Variants in STAT3 observed in about 807,000 individuals in gnomAD.
The protein encoded by STAT3 is signal transducer and activator of transcription 3.
Under a neutral mutation model 114.3 loss-of-function variants are expected in STAT3, and 7 were observed. The ratio of observed to expected loss-of-function variants is 0.06; its 90% CI spans 0.03 to 0.11. The LOEUF (loss-of-function observed/expected upper bound fraction) is 0.11, where lower values mean the gene tolerates loss of function less well. Among genes scored for constraint, STAT3 ranks in the 10% least tolerant of loss-of-function variants. The probability of loss-of-function intolerance (pLI) is 1.00; values close to 1 mark genes in which losing one functional copy is unlikely to be tolerated. For missense variants in STAT3, 364 were observed against 960.9 expected, an observed-to-expected ratio of 0.38 and a Z score of 8.21; for synonymous variants, 331 against 354.5, an observed-to-expected ratio of 0.93 and a Z score of 0.74.
intron 21 of STAT3, chr17:42,317,623 C>T (rs367762157): frequency 4.1e-5 from 12 of 291,812 alleles, no homozygotes; most frequent in Non-Finnish European, 7.4e-5. Flanking sequence ...CATGCAGGAA[C>T]CGAGCCTGTG....
At chr17:42,332,074 C>G (rs564619293) in intron 10 of STAT3, among the ~76,000 whole-genome samples, 1 of 151,486 alleles carries the variant, frequency 6.6e-6, no homozygotes, top group Non-Finnish European at 1.5e-5. Context: ...ATTACAGGCG[C>G]GCGCCACCAC....
intron 1 of STAT3, among the ~76,000 whole-genome samples, chr17:42,372,045 A>C (rs2084180866): frequency 6.6e-6 from 1 of 152,176 alleles, no homozygotes; most frequent in Non-Finnish European, 1.5e-5. Flanking sequence ...AAAATGGCTA[A>C]AATCCAAAAC....
intron 1 of STAT3, among the ~76,000 whole-genome samples, chr17:42,368,211 A>T (rs2078051232): frequency 6.6e-6 from 1 of 152,152 alleles, no homozygotes; most frequent in Admixed American, 6.5e-5. Context: ...AAAAGAAAAA[A>T]AATAAATAAA....
chr17:42,356,485 AT>A (rs1056743682), intron 1 of STAT3, among the ~76,000 whole-genome samples: 20 of 151,266 alleles, frequency 1.3e-4, no homozygotes, highest in African/African-American at 4.6e-4. Flanking sequence ...TGTTGATGTA[AT>A]TCCTTTAAAT....
At chr17:42,363,861 T>C (rs559053028) in intron 1 of STAT3, among the ~76,000 whole-genome samples, 1 of 152,206 alleles carries the variant, frequency 6.6e-6, no homozygotes, top group Non-Finnish European at 1.5e-5. Flanking sequence ...CTAAAATGCT[T>C]TTTTCTCTGG....
chr17:42,380,580 G>GT (rs144672211), intron 1 of STAT3, among the ~76,000 whole-genome samples: 9,259 of 151,290 alleles, frequency 0.061, 343 homozygotes, highest in Non-Finnish European at 0.074. Context: ...AGACGGGGGG[G>GT]GTCTCACTCT....
chr17:42,350,576 C>T (rs1469939112), intron 1 of STAT3, among the ~76,000 whole-genome samples: 3 of 152,136 alleles, frequency 2.0e-5, no homozygotes, highest in Non-Finnish European at 4.4e-5. Flanking sequence ...CGTAAGCTAC[C>T]ACGCCTGGCC....
intron 14 of STAT3, among the ~76,000 whole-genome samples, chr17:42,328,460 T>C (rs1322448044): frequency 1.3e-5 from 2 of 152,214 alleles, no homozygotes; most frequent in Admixed American, 6.5e-5. Flanking sequence ...CAGGCTAGAG[T>C]GCAGTGGCAA....
chr17:42,348,607 T>C (rs752747082), intron 1 of STAT3, 68 bp from the exon 2 acceptor site: 15 of 1,584,550 alleles, frequency 9.5e-6, no homozygotes, highest in Non-Finnish European at 1.2e-5. Context: ...GAAGTAGCCA[T>C]TGCCCAACAC....
intron 1 of STAT3, among the ~76,000 whole-genome samples, chr17:42,372,301 G>C (rs1294512110): frequency 6.6e-6 from 1 of 152,126 alleles, no homozygotes; most frequent in African/African-American, 2.4e-5. Flanking sequence ...AAGCAACCAA[G>C]ATGTCTATCC....
chr17:42,385,591 C>T (rs912545715), intron 1 of STAT3, among the ~76,000 whole-genome samples: 2 of 151,878 alleles, frequency 1.3e-5, no homozygotes, highest in South Asian at 2.1e-4. Flanking sequence ...TGGACTCAGG[C>T]GTCTGGAAAG....
At chr17:42,322,969 C>CACCA in intron 20 of STAT3, 35 bp downstream of exon 20, 1 of 1,612,628 alleles carries the variant, frequency 6.2e-7, no homozygotes, top group Admixed American at 1.7e-5. Flanking sequence ...CCTCAGCAGC[C>CACCA]ACCAGCAGGT....
rs1321425622 is a variant in STAT3, at chr17:42,388,389, C to G, written c.-134G>C. 1 of 1,231,562 alleles carries G rather than the reference C, an allele frequency of 8.1e-7. No homozygotes were observed. The highest frequency in any genetic ancestry group is 1.0e-6 in the Non-Finnish European group (1 of 987,896). The allele number at this position is 1,231,562 out of a possible 1,614,324, so 76.3% of individuals were successfully genotyped here. ...CCGAGCCGAGGGGGAGAGACAGCGC[C>G]AAGCCGGGGTGCCTGTCCAGGATCC... On this transcript the variant is annotated 5_prime_UTR_variant, in exon 1 of 24. Transcript: ENST00000264657.
chr17:42,323,432 C>A, intron 18 of STAT3, 78 bp from the exon 19 acceptor site: 1 of 1,574,610 alleles, frequency 6.4e-7, no homozygotes, highest in South Asian at 1.1e-5. Context: ...GTGCATCACC[C>A]AAATCCTCAG....
Position 42,315,815 on chromosome 17 carries a change from AG to A in STAT3, c.2258-16del. On this transcript the variant is annotated splice_polypyrimidine_tract_variant and intron_variant, in intron 23 of 23. Coordinates refer to ENST00000264657, the MANE Select transcript of STAT3 (RefSeq NM_139276.3). ...GGTGAGGGACTCTGGAGGGACAGAC[AG>A]GGAAAACTAGTTCAGTTGTCCACCC... 6.2e-7 allele frequency: 1 copy of A among 1,614,052 alleles called. No homozygotes were observed.
chr17:42,314,652 G>A lies in STAT3; in HGVS notation c.*1093C>T. On this transcript the variant is annotated 3_prime_UTR_variant, in exon 24 of 24. Coordinates refer to ENST00000264657, the MANE Select transcript of STAT3 (RefSeq NM_139276.3). ...CACTAAAAGGCCAATACATTACAAA[G>A]GAAAATAAGTCTATTTATAAAAAAA... 1 of 227,742 alleles carries A rather than the reference G, an allele frequency of 4.4e-6. No homozygotes were observed. Among genetic ancestry groups the A allele is most frequent in the Non-Finnish European group, 8.7e-6 (1 of 114,340 alleles). The allele number at this position is 227,742 out of a possible 1,614,324, so 14.1% of individuals were successfully genotyped here.
chr17:42,375,087 T>C (rs368491269), intron 1 of STAT3, among the ~76,000 whole-genome samples: 46 of 152,328 alleles, frequency 3.0e-4, no homozygotes, highest in African/African-American at 1.1e-3. Flanking sequence ...AACATTAATC[T>C]GGTAATGTCA....
intron 14 of STAT3, among the ~76,000 whole-genome samples, chr17:42,328,705 T>A: frequency 6.6e-6 from 1 of 152,220 alleles, no homozygotes; most frequent in Non-Finnish European, 1.5e-5. Flanking sequence ...CAGCTAGGAC[T>A]GCTACATTTT....
intron 10 of STAT3, 119 bp from the exon 11 acceptor site, chr17:42,331,650 A>G (rs1309577037): frequency 6.2e-6 from 5 of 812,484 alleles, no homozygotes; most frequent in Non-Finnish European, 8.1e-6. Flanking sequence ...CAAGCTGTCT[A>G]TAATTACAGG....
Sources: gnomAD v4.1 joint callset for allele counts (sites outside exome capture counted in the v4.1 genomes callset) on GRCh38, gnomAD v4.1.1 for gene constraint, MANE v1.5 for transcripts, NCBI Gene and HGNC (gene_info 2026-07-23, HGNC 2026-07-21) for gene names.